GRIN2B: variants seen among roughly 807,000 people sequenced by gnomAD.
GRIN2B encodes the protein glutamate receptor ionotropic, NMDA 2B.
A neutral mutation model predicts 114.5 loss-of-function variants in GRIN2B; 5 were observed. The observed-to-expected ratio is 0.04, with a 90% CI of 0.02 to 0.09. The LOEUF (loss-of-function observed/expected upper bound fraction) is 0.09. Among genes scored for constraint, GRIN2B ranks in the 10% least tolerant of loss-of-function variants. The pLI is 1.00. For synonymous variants in GRIN2B, 787 were observed against 745.1 expected (o/e 1.06, Z -0.92); for missense variants, 1,108 against 1,943.5 (o/e 0.57, Z 8.08).
intron 3 of GRIN2B, among the ~76,000 whole-genome samples, chr12:13,797,039 A>C (rs220564): frequency 0.4 from 61,375 of 152,106 alleles, 12,763 homozygotes; most frequent in East Asian, 0.55. Context: ...TAGATGATTA[A>C]AAATACTGTT....
chr12:13,696,532 G>T (rs541747267), intron 4 of GRIN2B, among the ~76,000 whole-genome samples: 2 of 152,246 alleles, frequency 1.3e-5, no homozygotes, highest in South Asian at 4.1e-4. Context: ...TAAAAAAGTT[G>T]CTAGAATCTA....
chr12:13,710,378 G>C (rs937298817), intron 4 of GRIN2B, among the ~76,000 whole-genome samples: 1 of 152,082 alleles, frequency 6.6e-6, no homozygotes, highest in Non-Finnish European at 1.5e-5. Flanking sequence ...GTTCTGGCCA[G>C]GGCAATTAGG....
At chr12:13,574,234 A>T (rs1239543274) in intron 10 of GRIN2B, among the ~76,000 whole-genome samples, 1 of 152,210 alleles carries the variant, frequency 6.6e-6, no homozygotes, top group Non-Finnish European at 1.5e-5. Context: ...GCTTAAAGTA[A>T]ATAGGGATAT....
At chr12:13,801,088 A>G (rs1215427889) in intron 3 of GRIN2B, among the ~76,000 whole-genome samples, 3 of 152,196 alleles carry the variant, frequency 2.0e-5, no homozygotes, top group Non-Finnish European at 4.4e-5. Context: ...CTGCAGGAAC[A>G]GTAGGCAAAC....
chr12:13,728,000 T>C (rs1591699545), intron 4 of GRIN2B, among the ~76,000 whole-genome samples: 1 of 152,238 alleles, frequency 6.6e-6, no homozygotes, highest in Non-Finnish European at 1.5e-5. Context: ...GTAAAGCTTA[T>C]GTAAAACTGA....
At chr12:13,697,907 C>A (rs938679724) in intron 4 of GRIN2B, among the ~76,000 whole-genome samples, 21 of 152,324 alleles carry the variant, frequency 1.4e-4, no homozygotes, top group Admixed American at 1.2e-3. Context: ...ACATGTGACA[C>A]TGCAACTTGC....
At chr12:13,620,521 A>G (rs1190433954) in intron 5 of GRIN2B, among the ~76,000 whole-genome samples, 3 of 152,288 alleles carry the variant, frequency 2.0e-5, no homozygotes, top group East Asian at 3.9e-4. Context: ...CCAGAACCCA[A>G]TCATTCATCA....
intron 5 of GRIN2B, among the ~76,000 whole-genome samples, chr12:13,639,655 G>A (rs374605083): frequency 1.6e-4 from 24 of 152,116 alleles, no homozygotes; most frequent in Admixed American, 7.2e-4. Flanking sequence ...CCAGAAGAGA[G>A]ATGACCTGAT....
chr12:13,901,561 T>C (rs1866453551), intron 2 of GRIN2B, among the ~76,000 whole-genome samples: 1 of 152,060 alleles, frequency 6.6e-6, no homozygotes, highest in South Asian at 2.1e-4. Context: ...TAAATTAAAT[T>C]AAACCTAATT....
At chr12:13,892,312 T>C (rs892987637) in intron 2 of GRIN2B, among the ~76,000 whole-genome samples, 1 of 152,258 alleles carries the variant, frequency 6.6e-6, no homozygotes, top group African/African-American at 2.4e-5. Context: ...GGCCGAGTTC[T>C]AATTTGTATT....
chr12:13,728,286 T>A (rs200297220), intron 4 of GRIN2B, among the ~76,000 whole-genome samples: 1 of 152,124 alleles, frequency 6.6e-6, no homozygotes, highest in Admixed American at 6.5e-5. Context: ...CTTTGGGGTA[T>A]GGGAACCAAT....
chr12:13,563,574 G>T lies in GRIN2B; in HGVS notation c.3664C>A (p.Leu1222Met). The change falls in exon 14 of 14, where the codon CTG becomes ATG. Residue 1222 changes from leucine (L) to methionine (M), a missense_variant. By Grantham distance (15) the Leu-to-Met change is conservative. Transcript: ENST00000609686. ...GTCACCGTCGTGGAGTAGTTGTGCA[G>T]CTTGGAGGGACAGCTGCGGCAGAAG... ...GNFCRSCPSK[L>M]HNYSTTVTGQ... 1 of 1,614,160 alleles carries T rather than the reference G, an allele frequency of 6.2e-7. No individual in the cohort carries two copies. The highest frequency in any genetic ancestry group is 8.5e-7 in the Non-Finnish European group (1 of 1,180,032).
chr12:13,704,766 CA>C (rs1194726136), intron 4 of GRIN2B, among the ~76,000 whole-genome samples: 2 of 152,174 alleles, frequency 1.3e-5, no homozygotes, highest in Non-Finnish European at 2.9e-5. Context: ...CGAATTAATA[CA>C]GGTAAAAGGA....
At chr12:13,709,589 C>T (rs1162656389) in intron 4 of GRIN2B, among the ~76,000 whole-genome samples, 2 of 151,948 alleles carry the variant, frequency 1.3e-5, no homozygotes, top group Non-Finnish European at 2.9e-5. Flanking sequence ...AGGAAAGAGT[C>T]AGTTAACTTA....
chr12:13,799,605 A>T (rs1864470981), intron 3 of GRIN2B, among the ~76,000 whole-genome samples: 1 of 152,152 alleles, frequency 6.6e-6, no homozygotes, highest in African/African-American at 2.4e-5. Flanking sequence ...CAAGAAGGTT[A>T]TATTTAAACT....
chr12:13,741,630 A>C (rs1591706757), intron 4 of GRIN2B, among the ~76,000 whole-genome samples: 1 of 152,158 alleles, frequency 6.6e-6, no homozygotes, highest in South Asian at 2.1e-4. Flanking sequence ...ATCATGGCTC[A>C]CTGCAGCCTC....
chr12:13,794,356 G>C (rs918179064), intron 3 of GRIN2B, among the ~76,000 whole-genome samples: 1 of 152,196 alleles, frequency 6.6e-6, no homozygotes, highest in African/African-American at 2.4e-5. Flanking sequence ...CCTATGGCAA[G>C]ATGCCAGTAT....
At chr12:13,745,770 G>A (rs1022560143) in intron 4 of GRIN2B, among the ~76,000 whole-genome samples, 1 of 152,186 alleles carries the variant, frequency 6.6e-6, no homozygotes, top group Non-Finnish European at 1.5e-5. Context: ...GCTGCACAGT[G>A]AGGGGCTGAA....
intron 2 of GRIN2B, among the ~76,000 whole-genome samples, chr12:13,880,377 C>T (rs1357410728): frequency 6.6e-6 from 1 of 152,208 alleles, no homozygotes; most frequent in African/African-American, 2.4e-5. Context: ...AAAGGCAAGC[C>T]AAGGAATTGG....
Sources: allele counts gnomAD v4.1 joint callset (sites outside exome capture counted in the v4.1 genomes callset), GRCh38; gene constraint gnomAD v4.1.1; transcripts MANE v1.5; gene names NCBI Gene and HGNC (gene_info 2026-07-23, HGNC 2026-07-21).